Variants in DYM observed in about 807,000 individuals in gnomAD.
The protein encoded by DYM is dyggve-Melchior-Clausen syndrome protein.
A neutral mutation model predicts 93.1 loss-of-function variants in DYM; 78 were observed. That is an observed-to-expected ratio of 0.84 (90% CI 0.70 to 1.01). The LOEUF (loss-of-function observed/expected upper bound fraction) is 1.01. Among genes scored for constraint, DYM ranks in the 50% least tolerant of loss-of-function variants. The pLI is 0.00. For missense variants in DYM, 789 were observed against 845.0 expected (o/e 0.93, Z 0.82); for synonymous variants, 321 against 319.7 (o/e 1.00, Z -0.04).
At chr18:49,369,194 C>G (rs896198300) in intron 5 of DYM, among the ~76,000 whole-genome samples, 1 of 152,236 alleles carries the variant, frequency 6.6e-6, no homozygotes, top group Non-Finnish European at 1.5e-5. Context: ...TGCCAGCATT[C>G]TAGCAGCCTA....
intron 5 of DYM, among the ~76,000 whole-genome samples, chr18:49,366,658 T>C (rs2066542938): frequency 6.6e-6 from 1 of 152,166 alleles, no homozygotes; most frequent in Admixed American, 6.5e-5. Context: ...AGTTCTCCCT[T>C]AAAGAGTTTT....
chr18:49,223,775 T>C (rs1004838154), intron 13 of DYM, among the ~76,000 whole-genome samples: 2 of 151,930 alleles, frequency 1.3e-5, no homozygotes, highest in Non-Finnish European at 2.9e-5. Flanking sequence ...GGAAAATAAT[T>C]ACAAGCAAAG....
intron 14 of DYM, among the ~76,000 whole-genome samples, chr18:49,176,730 C>T (rs2089427570): frequency 6.6e-6 from 1 of 151,760 alleles, no homozygotes; most frequent in Admixed American, 6.6e-5. Context: ...CCAATTTTGA[C>T]TAGATTTGGT....
At chr18:49,175,330 C>T (rs1188365341) in intron 14 of DYM, among the ~76,000 whole-genome samples, 1 of 152,132 alleles carries the variant, frequency 6.6e-6, no homozygotes, top group Non-Finnish European at 1.5e-5. Flanking sequence ...CTTACAAAAT[C>T]AGAAACAAGC....
chr18:49,191,598 C>T (rs1351446844), intron 14 of DYM, among the ~76,000 whole-genome samples: 1 of 151,904 alleles, frequency 6.6e-6, no homozygotes, highest in Non-Finnish European at 1.5e-5. Flanking sequence ...TTTAAATGAC[C>T]AAGAAAAATG....
intron 15 of DYM, among the ~76,000 whole-genome samples, chr18:49,136,500 C>T (rs953434392): frequency 4.6e-5 from 7 of 152,082 alleles, no homozygotes; most frequent in Admixed American, 1.3e-4. Flanking sequence ...TGACTTAAAA[C>T]GGCTCCACTT....
intron 16 of DYM, chr18:49,114,765 G>T: frequency 6.1e-6 from 1 of 164,582 alleles, no homozygotes; most frequent in Non-Finnish European, 1.3e-5. Context: ...GGATAACAGT[G>T]TACCACCACG....
At chr18:49,276,361 G>A (rs943787977) in intron 10 of DYM, among the ~76,000 whole-genome samples, 1 of 151,782 alleles carries the variant, frequency 6.6e-6, no homozygotes, top group Non-Finnish European at 1.5e-5. Flanking sequence ...CTGTTGATAT[G>A]ATGTATCACA....
chr18:49,385,721 A>G (rs1366911144), intron 3 of DYM, among the ~76,000 whole-genome samples: 1 of 152,086 alleles, frequency 6.6e-6, no homozygotes, highest in African/African-American at 2.4e-5. Context: ...TCTGATCCAG[A>G]AAACCTTATG....
At chr18:49,361,774 G>A (rs1428319151) in intron 6 of DYM, among the ~76,000 whole-genome samples, 1 of 152,060 alleles carries the variant, frequency 6.6e-6, no homozygotes, top group Non-Finnish European at 1.5e-5. Flanking sequence ...AGGCTGGAGT[G>A]CAGTGGCGTG....
chr18:49,234,584 T>C (rs1330034236), intron 13 of DYM, among the ~76,000 whole-genome samples: 1 of 152,170 alleles, frequency 6.6e-6, no homozygotes, highest in Non-Finnish European at 1.5e-5. Flanking sequence ...GGTTAGGGGA[T>C]GGTGCATCTG....
intron 14 of DYM, among the ~76,000 whole-genome samples, chr18:49,193,078 C>T (rs1192818189): frequency 1.3e-5 from 2 of 152,004 alleles, no homozygotes; most frequent in Admixed American, 6.6e-5. Flanking sequence ...TGTTAAATAT[C>T]GAGGTGATGG....
At chr18:49,424,009 T>G (rs537641393) in intron 2 of DYM, among the ~76,000 whole-genome samples, 1 of 152,124 alleles carries the variant, frequency 6.6e-6, no homozygotes, top group Admixed American at 6.5e-5. Context: ...ACTATTCCAA[T>G]CAATAGAAAA....
At chr18:49,419,158 C>G (rs866852210) in intron 2 of DYM, among the ~76,000 whole-genome samples, 4 of 152,082 alleles carry the variant, frequency 2.6e-5, no homozygotes, top group Middle Eastern at 6.8e-3. Context: ...GTCAGGAGTT[C>G]AAGACCAGCC....
At chr18:49,306,519 G>A (rs546817263) in intron 8 of DYM, among the ~76,000 whole-genome samples, 1 of 152,230 alleles carries the variant, frequency 6.6e-6, no homozygotes, top group South Asian at 2.1e-4. Context: ...CATTTTCCTG[G>A]AACATTAATT....
intron 8 of DYM, among the ~76,000 whole-genome samples, chr18:49,306,300 TC>T (rs921387685): frequency 2.0e-5 from 3 of 152,180 alleles, no homozygotes; most frequent in African/African-American, 7.2e-5. Flanking sequence ...TTTTTCCCCT[TC>T]TAAGGTCAGA....
At chr18:49,300,080 T>C (rs1455878225) in intron 8 of DYM, among the ~76,000 whole-genome samples, 1 of 136,290 alleles carries the variant, frequency 7.3e-6, no homozygotes, top group Non-Finnish European at 1.6e-5. Flanking sequence ...AATATATATA[T>C]ATATAAATAT....
At chr18:49,414,385 C>T (rs761353760) in intron 2 of DYM, among the ~76,000 whole-genome samples, 3 of 151,724 alleles carry the variant, frequency 2.0e-5, no homozygotes, top group Non-Finnish European at 4.4e-5. Context: ...GTTTATTTTA[C>T]CACAATAAAA....
In DYM at chr18:49,378,107, A is replaced by C. The variant is rs182695643; in HGVS notation, c.421+460T>G. ...TCCTTGAAAATGTTACTTCTGATAA[A>C]GTGTCGTAGTCCCAAAGACACTCAG... On this transcript the variant is annotated intron_variant, in intron 5 of 17. Coordinates refer to ENST00000675505, the MANE Select transcript of DYM (RefSeq NM_001353214.3). Among the ~76,000 whole-genome samples, 70 of 152,340 alleles carry C rather than the reference A, an allele frequency of 4.6e-4. 1 individual carries two copies. Among genetic ancestry groups the C allele is most frequent in the Admixed American group, 2.4e-3 (37 of 15,290 alleles).
Sources: allele counts gnomAD v4.1 joint callset (sites outside exome capture counted in the v4.1 genomes callset), GRCh38; gene constraint gnomAD v4.1.1; transcripts MANE v1.5; gene names NCBI Gene and HGNC (gene_info 2026-07-23, HGNC 2026-07-21).